TLK2: variants seen among roughly 807,000 people sequenced by gnomAD.
The protein encoded by TLK2 is tousled like kinase 2.
A neutral mutation model predicts 117.3 loss-of-function variants in TLK2; 6 were observed. The observed-to-expected ratio is 0.05, with a 90% CI of 0.03 to 0.10. TLK2 has a LOEUF of 0.10. TLK2 is among the 10% of genes least tolerant of loss of function. The pLI, the probability that TLK2 is intolerant of heterozygous loss-of-function variation, is 1.00. For missense variants in TLK2, 299 were observed against 901.2 expected (o/e 0.33, Z 8.56); for synonymous variants, 257 against 316.7 (o/e 0.81, Z 2.00).
chr17:62,536,466 CT>C (rs1231800237), intron 7 of TLK2, 129 bp downstream of exon 7: 1 of 1,011,788 alleles, frequency 9.9e-7, no homozygotes, highest in African/African-American at 1.6e-5. Flanking sequence ...GTGATCTCCC[CT>C]TATCATCATT....
intron 6 of TLK2, among the ~76,000 whole-genome samples, chr17:62,534,273 G>C (rs1234861178): frequency 6.6e-6 from 1 of 152,064 alleles, no homozygotes; most frequent in Non-Finnish European, 1.5e-5. Context: ...ACTACCCCTT[G>C]GAAGAGAAAA....
intron 10 of TLK2, among the ~76,000 whole-genome samples, chr17:62,562,226 G>A (rs2079342818): frequency 6.6e-6 from 1 of 152,070 alleles, no homozygotes; most frequent in South Asian, 2.1e-4. Context: ...TGAGTGTGGG[G>A]GTGTGCGCCT....
chr17:62,553,804 T>C (rs1412656012), intron 9 of TLK2, 49 bp downstream of exon 9: 3 of 1,182,828 alleles, frequency 2.5e-6, no homozygotes, highest in Admixed American at 1.8e-5. Context: ...ATTTGTTATA[T>C]ATATTTGGAT....
chr17:62,471,956 A>C (rs1178203400), intron 1 of TLK2, among the ~76,000 whole-genome samples: 1 of 119,552 alleles, frequency 8.4e-6, no homozygotes, highest in Non-Finnish European at 1.6e-5. Flanking sequence ...TGGAGTGCAG[A>C]GTGCAGTGGT....
chr17:62,497,135 A>G lies in TLK2; in HGVS notation c.81+15929A>G, dbSNP rs528559713. ...TAGCCAGGCATGGTGGCGTGTGCCT[A>G]TAGTCCCATCTGCATCTGTCCGGGA... On this transcript the variant is annotated intron_variant, in intron 2 of 21. Transcript: ENST00000346027. 2.0e-4 allele frequency among the ~76,000 whole-genome samples: 30 copies of G among 151,938 alleles called. No individual in the cohort carries two copies. In the South Asian group the frequency reaches 5.2e-3, roughly 26 times the overall value.
chr17:62,561,089 T>C lies in TLK2; in HGVS notation c.831+963T>C, dbSNP rs575401176. ...GAGAACATGCAGTGTTTGGTTTTTT[T>C]GTCCTTGCGATAGTTTGCTGAGAAT... On this transcript the variant is annotated intron_variant, in intron 10 of 21. Transcript: ENST00000346027. Among the ~76,000 whole-genome samples the C allele has an allele frequency of 2.0e-5, 3 of 152,306 alleles. No individual in the cohort carries two copies. The East Asian group carries it at 5.8e-4, about 29-fold the overall frequency.
At chr17:62,489,557 A>T (rs548997269) in intron 2 of TLK2, among the ~76,000 whole-genome samples, 2 of 152,198 alleles carry the variant, frequency 1.3e-5, no homozygotes, top group African/African-American at 2.4e-5. Flanking sequence ...TGAGCAGCTA[A>T]TGCAGAGTTC....
At position 62,516,375 on chromosome 17, in the gene TLK2, G is replaced by T. The variant is rs1248198216; in HGVS notation, c.82-4398G>T. The T allele has an allele frequency of 6.4e-6, 10 of 1,567,324 alleles. No homozygotes were observed. In the Admixed American group the frequency reaches 1.0e-4, roughly 16 times the overall value. On this transcript the variant is annotated intron_variant, in intron 2 of 21. Coordinates refer to ENST00000346027, the MANE Select transcript of TLK2 (RefSeq NM_006852.6). Reference sequence around the variant, plus strand: ...CAAATCCGCCTCTAAACTAGAATTCGGTTGCTGACCCAGCCCCAGCCTCGG... The same window carrying T: ...CAAATCCGCCTCTAAACTAGAATTCTGTTGCTGACCCAGCCCCAGCCTCGG...
At chr17:62,470,951 G>C (rs528909026) in exon 1 of TLK2, 1 of 152,546 alleles carries the variant, frequency 6.6e-6, no homozygotes, top group South Asian at 2.1e-4. Flanking sequence ...GAAGCTTCTC[G>C]GCCTGACAGT....
intron 10 of TLK2, among the ~76,000 whole-genome samples, chr17:62,562,147 G>A (rs1338038579): frequency 2.6e-5 from 4 of 152,028 alleles, no homozygotes; most frequent in Admixed American, 2.0e-4. Context: ...ATCACTTGAG[G>A]TCAAGAGTTC....
rs369842378 is a variant in TLK2 at position 62,603,249 on chromosome 17, A to G, written c.1859+1069A>G. ...CCTGTGCTCATCGTGAAGCCTGCCAATAACACCATGGACACAATGCCCCGG... is the reference window on the plus strand; with the variant it reads ...CCTGTGCTCATCGTGAAGCCTGCCAGTAACACCATGGACACAATGCCCCGG... On this transcript the variant is annotated intron_variant, in intron 19 of 21. Transcript: ENST00000346027. Among the ~76,000 whole-genome samples the G allele has an allele frequency of 3.9e-5, 6 of 152,196 alleles. No homozygotes were observed. The East Asian group carries it at 7.7e-4, about 20-fold the overall frequency.
chr17:62,588,798 T>C lies in TLK2; in HGVS notation c.1460+2572T>C, dbSNP rs1189440506. On this transcript the variant is annotated intron_variant, in intron 16 of 21. Transcript: ENST00000346027. The stretch of plus-strand genomic sequence containing the variant: ...ATTTCAGGCTATAGAAAATGGCGAA[T>C]TGACAAAATGTCATTAACTGCTTTG... 4.6e-5 allele frequency among the ~76,000 whole-genome samples: 7 copies of C among 152,208 alleles called. No homozygotes were observed. In the East Asian group the frequency reaches 1.3e-3, roughly 29 times the overall value.
intron 2 of TLK2, among the ~76,000 whole-genome samples, chr17:62,510,810 A>G (rs2075084936): frequency 6.6e-6 from 1 of 152,174 alleles, no homozygotes; most frequent in East Asian, 1.9e-4. Context: ...CAACATAGGA[A>G]TTTTGGGAGG....
rs778032814 is a variant in TLK2, at chr17:62,520,756, AT to A, written c.82-8del. 4.7e-5 allele frequency: 75 copies of A among 1,590,694 alleles called. No individual in the cohort carries two copies. In the East Asian group the frequency reaches 8.9e-4, roughly 19 times the overall value. ...TAGGATTAAAATTTATTTATTTATGATTTTTTTTTCTTTCAGGGACCACTTA... is the reference window on the plus strand; with the variant it reads ...TAGGATTAAAATTTATTTATTTATGATTTTTTTTCTTTCAGGGACCACTTA... On this transcript the variant is annotated splice_polypyrimidine_tract_variant and intron_variant, in intron 2 of 21. Coordinates refer to ENST00000346027, the MANE Select transcript of TLK2 (RefSeq NM_006852.6).
rs546225743 is a variant in TLK2 at position 62,516,754 on chromosome 17, T to C, written c.82-4019T>C. 20 of 1,570,624 alleles carry C rather than the reference T, an allele frequency of 1.3e-5. No homozygotes were observed. In the South Asian group the frequency reaches 2.0e-4, roughly 16 times the overall value. On this transcript the variant is annotated intron_variant, in intron 2 of 21. Transcript: ENST00000346027. Reference sequence around the variant, plus strand: ...TTCATAAATGGCAATCCAGTTCTTCTTAGGCATCAACATCTCTGCAGCTGC... The same window carrying C: ...TTCATAAATGGCAATCCAGTTCTTCCTAGGCATCAACATCTCTGCAGCTGC...
At position 62,614,828 on chromosome 17, in the gene TLK2, G is replaced by A. The variant is rs958571664; in HGVS notation, c.*2263G>A. On this transcript the variant is annotated 3_prime_UTR_variant, in exon 22 of 22. Transcript: ENST00000346027. ...CAAAGGGTCTCACAGGTCGAGCACAGTGCTGAGAGGATGGTGTCTGCATAA... is the reference window on the plus strand; with the variant it reads ...CAAAGGGTCTCACAGGTCGAGCACAATGCTGAGAGGATGGTGTCTGCATAA... 5.3e-5 allele frequency: 8 copies of A among 152,208 alleles called. No individual in the cohort carries two copies. In the South Asian group the frequency reaches 8.3e-4, roughly 16 times the overall value. The allele number at this position is 152,208 out of a possible 1,614,324, so 9.4% of individuals were successfully genotyped here.
In TLK2 at chr17:62,586,224, C is replaced by T; in HGVS notation, c.1458C>T (p.His486=). 1.9e-6 allele frequency: 3 copies of T among 1,605,124 alleles called. No individual in the cohort carries two copies. The highest frequency in any genetic ancestry group is 1.1e-5 in the South Asian group (1 of 90,694). ...GAGATGAGAAAAAGGAGAATTACCA[C>T]AAGTAAGTGATACTTGAGTGTCTGA... ...NWRDEKKENY[H]KHACREYRIH... is the part of the protein sequence containing the mutation. The change falls in exon 16 of 22, where the codon CAC becomes CAT. Residue 486 remains histidine, a splice_region_variant and synonymous_variant. Transcript: ENST00000346027.
chr17:62,551,392 G>T (rs1373604393), intron 7 of TLK2, among the ~76,000 whole-genome samples: 1 of 152,120 alleles, frequency 6.6e-6, no homozygotes, highest in Non-Finnish European at 1.5e-5. Flanking sequence ...TTTGTTAGCT[G>T]CAGTTTTACC....
intron 7 of TLK2, among the ~76,000 whole-genome samples, chr17:62,548,986 A>C (rs1598507316): frequency 6.7e-6 from 1 of 149,654 alleles, no homozygotes; most frequent in Non-Finnish European, 1.5e-5. Flanking sequence ...TGATCCACCC[A>C]CCTCAGCCTC....
Sources: gnomAD v4.1 joint callset for allele counts (sites outside exome capture counted in the v4.1 genomes callset) on GRCh38, gnomAD v4.1.1 for gene constraint, MANE v1.5 for transcripts, NCBI Gene and HGNC (gene_info 2026-07-23, HGNC 2026-07-21) for gene names.